Variants in ANK1 observed in about 807,000 individuals in gnomAD.
The protein encoded by ANK1 is ankyrin-1.
ANK1 carries 51 observed loss-of-function variants against 210.4 expected under a neutral mutation model. The observed-to-expected ratio is 0.24, with a 90% CI of 0.19 to 0.31. The LOEUF (loss-of-function observed/expected upper bound fraction) is 0.31. Ranked by LOEUF, ANK1 falls within the 10% of genes least tolerant of loss-of-function variation. The pLI is 1.00. For synonymous variants in ANK1, 967 were observed against 1,025.9 expected (o/e 0.94, Z 1.10); for missense variants, 2,051 against 2,504.4 (o/e 0.82, Z 3.86).
chr8:41,893,479 C>T (rs910130257), intron 1 of ANK1, among the ~76,000 whole-genome samples: 2 of 152,160 alleles, frequency 1.3e-5, no homozygotes, highest in African/African-American at 2.4e-5. Context: ...CAACACCAGC[C>T]TCCTCCACCC....
chr8:41,732,925 A>C (rs910649675), intron 3 of ANK1, among the ~76,000 whole-genome samples: 2 of 151,454 alleles, frequency 1.3e-5, no homozygotes, highest in East Asian at 3.9e-4. Context: ...TTTAGTAGAG[A>C]CGGGGTTTCA....
intron 3 of ANK1, among the ~76,000 whole-genome samples, chr8:41,732,859 T>C (rs1013441379): frequency 6.6e-6 from 1 of 152,090 alleles, no homozygotes; most frequent in Non-Finnish European, 1.5e-5. Context: ...TGCCTCAGTC[T>C]CCTGAGTAGC....
Position 41,696,730 on chromosome 8 carries a change from G to A in ANK1, c.2681C>T (p.Pro894Leu), listed in dbSNP as rs1563465327. 26 of 1,601,972 alleles carry A rather than the reference G, an allele frequency of 1.6e-5. No individual in the cohort carries two copies. The highest frequency in any genetic ancestry group is 2.0e-5 in the Non-Finnish European group (24 of 1,179,916). The change falls in exon 25 of 43, where the codon CCG (proline) becomes CTG (leucine). Residue 894 changes from proline (P) to leucine (L), a missense_variant. Pro to Leu is a moderately conservative substitution (Grantham distance 98, BLOSUM62 -3). Around this residue, in one of 6 missense-constraint regions of ANK1, gnomAD observed 1,413 missense variants for 1,707.4 expected, o/e 0.83. Transcript: ENST00000289734. ...YDEDSLIPSS[P>L]ATETSDNISP... ...GATGTTGTCTGAGGTCTCGGTGGCC[G>A]GGCTGCTGGGGATGAGGGAGTCCTC...
rs764179057 is a variant in ANK1 at position 41,655,748 on chromosome 8, G to A, written c.*42C>T. The A allele has an allele frequency of 1.9e-6, 3 of 1,614,140 alleles. No homozygotes were observed. Among genetic ancestry groups the A allele is most frequent in the South Asian group, 1.1e-5 (1 of 91,086 alleles). On this transcript the variant is annotated 3_prime_UTR_variant, in exon 43 of 43. Transcript: ENST00000289734. The stretch of plus-strand genomic sequence containing the variant: ...GGGTTCAGGGGTTGGGTGTCGAGGT[G>A]TGATCCTGGGAGACACAAAGAGAGA...
At chr8:41,727,182 G>A (rs1057366323) in intron 5 of ANK1, 68 bp downstream of exon 5, 2 of 1,251,262 alleles carry the variant, frequency 1.6e-6, no homozygotes, top group African/African-American at 1.5e-5. Context: ...CCAGGTAGGT[G>A]TCACCTGAAG....
intron 1 of ANK1, among the ~76,000 whole-genome samples, chr8:41,770,536 A>G (rs2150733145): frequency 6.6e-6 from 1 of 152,374 alleles, no homozygotes; most frequent in African/African-American, 2.4e-5. Context: ...GTTATATACA[A>G]TCACAAATTA....
At chr8:41,749,557 A>G (rs1837149945) in intron 2 of ANK1, among the ~76,000 whole-genome samples, 1 of 700 alleles carries the variant, frequency 1.4e-3, no homozygotes, top group South Asian at 0.062. Context: ...TCGGCCTCCC[A>G]AAGTGCTGGG....
chr8:41,664,298 C>T (rs1809606883), intron 39 of ANK1: 1 of 379,462 alleles, frequency 2.6e-6, no homozygotes, highest in Admixed American at 3.5e-5. Context: ...ATAGCGAGCC[C>T]CCATCTCTAC....
chr8:41,753,225 C>T lies in ANK1; in HGVS notation c.129+4811G>A, dbSNP rs997911527. Among the ~76,000 whole-genome samples the T allele has an allele frequency of 2.6e-5, 4 of 152,114 alleles. No homozygotes were observed. In the East Asian group the frequency reaches 5.8e-4, roughly 22 times the overall value. On this transcript the variant is annotated intron_variant, in intron 2 of 42. Transcript: ENST00000289734. ...AATTACAGGTGCCTGCCATCATGCCCGGCTAATTTTTTATTTTAGTGGAGA... is the reference window on the plus strand; with the variant it reads ...AATTACAGGTGCCTGCCATCATGCCTGGCTAATTTTTTATTTTAGTGGAGA...
Position 41,896,397 on chromosome 8 carries a change from G to C in ANK1, c.84C>G (p.Ser28=), listed in dbSNP as rs774143632. 3 of 1,602,350 alleles carry C rather than the reference G, an allele frequency of 1.9e-6. No individual in the cohort carries two copies. In the East Asian group the frequency reaches 6.9e-5, roughly 37 times the overall value. Residue 28 remains serine (S), a synonymous_variant, in exon 1 of 43, where the codon TCC becomes TCG. Coordinates refer to the ANK1 transcript ENST00000265709. Reference sequence around the variant, plus strand: ...GGGAGCGGTTTCTCCGCTTCCTGTTGGATTCCTCCTTCTCCTTCTGCTCCT... The same window carrying C: ...GGGAGCGGTTTCTCCGCTTCCTGTTCGATTCCTCCTTCTCCTTCTGCTCCT...
intron 11 of ANK1, 142 bp from the exon 12 acceptor site, chr8:41,717,844 AT>A (rs1027392414): frequency 1.1e-6 from 1 of 946,708 alleles, no homozygotes; most frequent in Non-Finnish European, 1.6e-6. Context: ...TTCCAAGAAA[AT>A]GGTTGGAGAA....
intron 31 of ANK1, among the ~76,000 whole-genome samples, chr8:41,692,085 C>T (rs1240524694): frequency 6.7e-6 from 1 of 149,532 alleles, no homozygotes; most frequent in East Asian, 2.0e-4. Context: ...TAAACAGAGT[C>T]TTGCTCTGTC....
intron 11 of ANK1, 50 bp from the exon 12 acceptor site, chr8:41,717,752 C>T (rs1828115772): frequency 6.9e-7 from 1 of 1,444,576 alleles, no homozygotes; most frequent in Admixed American, 2.0e-5. Flanking sequence ...TTCCGCTCCC[C>T]TGAAGAAGAG....
chr8:41,675,308 G>A (rs1813779714), intron 37 of ANK1, among the ~76,000 whole-genome samples: 1 of 152,164 alleles, frequency 6.6e-6, no homozygotes, highest in African/African-American at 2.4e-5. Context: ...TGTTGGCCAG[G>A]CTGGTCTCGA....
At chr8:41,803,122 A>AGGAAAGGAAG in intron 1 of ANK1, among the ~76,000 whole-genome samples, 1 of 148,194 alleles carries the variant, frequency 6.7e-6, no homozygotes, top group Admixed American at 6.7e-5. Context: ...AGGAAAGGAA[A>AGGAAAGGAAG]GGAAAGGAAA....
Position 41,878,000 on chromosome 8 carries a change from G to A in ANK1, c.126+18355C>T, listed in dbSNP as rs541680515. 7.2e-5 allele frequency among the ~76,000 whole-genome samples: 11 copies of A among 152,274 alleles called. No individual in the cohort carries two copies. The East Asian group carries it at 2.1e-3, about 29-fold the overall frequency. On this transcript the variant is annotated intron_variant, in intron 1 of 42. Coordinates refer to the ANK1 transcript ENST00000265709. Reference sequence around the variant, plus strand: ...GCACACAGCCTAGCGCCCAGCAGAAGGTCAGTGACTAGGCTATTGCAATTC... The same window carrying A: ...GCACACAGCCTAGCGCCCAGCAGAAAGTCAGTGACTAGGCTATTGCAATTC...
chr8:41,833,611 A>G (rs955014202), intron 1 of ANK1, among the ~76,000 whole-genome samples: 1 of 152,212 alleles, frequency 6.6e-6, no homozygotes, highest in Admixed American at 6.5e-5. Context: ...GTACAAGTCT[A>G]GGACATCTCC....
At chr8:41,823,714 C>T (rs148834950) in intron 1 of ANK1, among the ~76,000 whole-genome samples, 1,789 of 151,706 alleles carry the variant, frequency 0.012, 33 homozygotes, top group African/African-American at 0.041. Context: ...CAGTGAGCTA[C>T]GATTATGCCA....
intron 1 of ANK1, among the ~76,000 whole-genome samples, chr8:41,774,076 C>A (rs1843515472): frequency 6.6e-6 from 1 of 152,168 alleles, no homozygotes; most frequent in Non-Finnish European, 1.5e-5. Flanking sequence ...TGAGATTAAG[C>A]AAATGCTTCT....
Sources: allele counts gnomAD v4.1 joint callset (sites outside exome capture counted in the v4.1 genomes callset), GRCh38; gene constraint gnomAD v4.1.1; regional missense constraint gnomAD v4.1.1; transcripts MANE v1.5; gene names NCBI Gene and HGNC (gene_info 2026-07-23, HGNC 2026-07-21).